TASP1: variants seen among roughly 807,000 people sequenced by gnomAD.
TASP1 encodes the protein taspase 1.
TASP1 carries 16 observed loss-of-function variants against 56.6 expected under a neutral mutation model. That is an observed-to-expected ratio of 0.28 (90% CI 0.19 to 0.43). TASP1 has a LOEUF of 0.43. TASP1 is among the 20% of genes least tolerant of loss of function. The pLI, the probability that TASP1 is intolerant of heterozygous loss-of-function variation, is 1.00. For synonymous variants in TASP1, 179 were observed against 184.2 expected, an observed-to-expected ratio of 0.97 and a Z score of 0.23; for missense variants, 393 against 511.6, an observed-to-expected ratio of 0.77 and a Z score of 2.24.
the TASP1 span, among the ~76,000 whole-genome samples, chr20:13,137,043 G>A: frequency 6.6e-6 from 1 of 152,122 alleles, no homozygotes; most frequent in Non-Finnish European, 1.5e-5. Flanking sequence ...AGAGAAGGAT[G>A]GGGAAATTGA....
At chr20:13,167,919 G>A in the TASP1 span, 1 of 152,262 alleles carries the variant, frequency 6.6e-6, no homozygotes, top group East Asian at 1.9e-4. Flanking sequence ...TCTAATAGCA[G>A]GAACCTTGTT....
chr20:13,167,906 G>T, the TASP1 span: 1 of 152,126 alleles, frequency 6.6e-6, no homozygotes, highest in Admixed American at 6.5e-5. Flanking sequence ...TAAACCAATT[G>T]ACTCTAATAG....
chr20:13,587,688 C>T (rs1601351093), intron 4 of TASP1, among the ~76,000 whole-genome samples: 1 of 151,356 alleles, frequency 6.6e-6, no homozygotes, highest in East Asian at 1.9e-4. Flanking sequence ...ATGTAATACC[C>T]TGTATTAATA....
chr20:13,613,703 GT>G (rs1338517756), intron 4 of TASP1, among the ~76,000 whole-genome samples: 1 of 151,926 alleles, frequency 6.6e-6, no homozygotes, highest in African/African-American at 2.4e-5. Flanking sequence ...ATATTATTAT[GT>G]TTGAGGCTGT....
chr20:13,355,259 A>G, the TASP1 span, among the ~76,000 whole-genome samples: 1 of 152,190 alleles, frequency 6.6e-6, no homozygotes, highest in South Asian at 2.1e-4. Flanking sequence ...TTATATCCAC[A>G]TATGTTATTT....
intron 11 of TASP1, among the ~76,000 whole-genome samples, chr20:13,481,537 A>C (rs2043142330): frequency 6.6e-6 from 1 of 152,182 alleles, no homozygotes; most frequent in Non-Finnish European, 1.5e-5. Context: ...CATTCCCACC[A>C]ACAGTGTACC....
chr20:13,624,324 T>A (rs1398447137), intron 3 of TASP1, among the ~76,000 whole-genome samples: 1 of 152,012 alleles, frequency 6.6e-6, no homozygotes, highest in African/African-American at 2.4e-5. Flanking sequence ...GACAGAAAAA[T>A]TTCACACTTT....
chr20:13,611,430 T>C (rs945088145), intron 4 of TASP1, among the ~76,000 whole-genome samples: 1 of 152,220 alleles, frequency 6.6e-6, no homozygotes, highest in African/African-American at 2.4e-5. Flanking sequence ...GTTCAAATTG[T>C]TTCAATGAGG....
chr20:13,305,731 G>T, the TASP1 span, among the ~76,000 whole-genome samples: 8 of 152,122 alleles, frequency 5.3e-5, no homozygotes, highest in African/African-American at 1.9e-4. Flanking sequence ...GAAGGAGAGG[G>T]ACATATTCCA....
intron 7 of TASP1, among the ~76,000 whole-genome samples, chr20:13,564,556 GTT>G (rs144190368): frequency 1.0e-4 from 14 of 138,722 alleles, no homozygotes; most frequent in East Asian, 6.3e-4. Flanking sequence ...TCCCAATAGT[GTT>G]TTTTTTTTTT....
intron 2 of TASP1, among the ~76,000 whole-genome samples, chr20:13,627,201 T>C (rs543591252): frequency 1.3e-5 from 2 of 152,258 alleles, no homozygotes; most frequent in South Asian, 2.1e-4. Context: ...ATCTACTACA[T>C]GAATCACAAA....
chr20:13,218,287 A>AT, the TASP1 span, among the ~76,000 whole-genome samples: 1 of 152,068 alleles, frequency 6.6e-6, no homozygotes. Flanking sequence ...AGAAAAAAAA[A>AT]AGGAAAGAGA....
the TASP1 span, among the ~76,000 whole-genome samples, chr20:13,312,219 G>T: frequency 6.6e-6 from 1 of 152,192 alleles, no homozygotes; most frequent in South Asian, 2.1e-4. Context: ...AAGGGAAAAT[G>T]CAATTATGCT....
the TASP1 span, among the ~76,000 whole-genome samples, chr20:13,329,482 A>C: frequency 6.6e-6 from 1 of 152,204 alleles, no homozygotes; most frequent in Non-Finnish European, 1.5e-5. Flanking sequence ...ATAGATTTCT[A>C]TTGGTCAAGC....
chr20:13,137,867 C>A, the TASP1 span, among the ~76,000 whole-genome samples: 2 of 152,164 alleles, frequency 1.3e-5, no homozygotes, highest in South Asian at 2.1e-4. Flanking sequence ...ACCACACAGA[C>A]CTTCCTGGCT....
the TASP1 span, among the ~76,000 whole-genome samples, chr20:13,200,156 G>C: frequency 6.6e-6 from 1 of 151,910 alleles, no homozygotes; most frequent in African/African-American, 2.4e-5. Context: ...CATCATCTCA[G>C]AAATCAGGTT....
At chr20:13,186,992 T>A in the TASP1 span, among the ~76,000 whole-genome samples, 1 of 152,002 alleles carries the variant, frequency 6.6e-6, no homozygotes, top group Non-Finnish European at 1.5e-5. Flanking sequence ...AAAAGTAACA[T>A]GCAAGAAGAG....
At position 13,502,674 on chromosome 20, in the gene TASP1, C is replaced by T. The variant is rs190933169; in HGVS notation, c.875-19337G>A. Among the ~76,000 whole-genome samples, 495 of 142,026 alleles carry T rather than the reference C, an allele frequency of 3.5e-3. 2 individuals are homozygous for T. The highest frequency in any genetic ancestry group is 0.013 in the African/African-American group (423 of 33,300). The allele number at this position is 142,026 out of a possible 152,430, so 93.2% of individuals were successfully genotyped here. On this transcript the variant is annotated intron_variant, in intron 10 of 13. Transcript: ENST00000337743. ...GTATTATTAATCAGAGAATTTGTGA[C>T]AAGGTAGGAGAGGCTGCAACAGTGT...
chr20:13,303,947 A>T, the TASP1 span, among the ~76,000 whole-genome samples: 1 of 152,186 alleles, frequency 6.6e-6, no homozygotes. Flanking sequence ...AACCCAAAAA[A>T]ACTCTAAAGA....
Sources: gnomAD v4.1 joint callset for allele counts (sites outside exome capture counted in the v4.1 genomes callset) on GRCh38, gnomAD v4.1.1 for gene constraint, MANE v1.5 for transcripts, NCBI Gene and HGNC (gene_info 2026-07-23, HGNC 2026-07-21) for gene names.